BICDL1: variants seen among roughly 807,000 people sequenced by gnomAD.
BICDL1 encodes BICD family-like cargo adapter 1.
Under a neutral mutation model 76.8 loss-of-function variants are expected in BICDL1, and 20 were observed. The observed-to-expected ratio is 0.26, with a 90% confidence interval of 0.18 to 0.38. BICDL1 has a LOEUF of 0.38. Ranked by LOEUF, BICDL1 falls within the 10% of genes least tolerant of loss-of-function variation. BICDL1 has a pLI of 1.00. For missense variants in BICDL1, 700 were observed against 798.6 expected (o/e 0.88, Z 1.49); for synonymous variants, 383 against 337.1 (o/e 1.14, Z -1.49).
chr12:120,090,404 A>G (rs1458409931), intron 9 of BICDL1, among the ~76,000 whole-genome samples: 2 of 152,192 alleles, frequency 1.3e-5, no homozygotes, highest in Non-Finnish European at 2.9e-5. Flanking sequence ...AGCTCAGTAT[A>G]ATTGCATGAA....
chr12:120,077,799 C>G (rs949357240), intron 7 of BICDL1, among the ~76,000 whole-genome samples: 1 of 151,458 alleles, frequency 6.6e-6, no homozygotes, highest in African/African-American at 2.4e-5. Flanking sequence ...TCCCCCAGCC[C>G]GCCCACCCTC....
At position 120,093,235 on chromosome 12, in the gene BICDL1, C is replaced by T; in HGVS notation, c.*74C>T. 1 of 1,503,522 alleles carries T rather than the reference C, an allele frequency of 6.7e-7. No individual in the cohort carries two copies. The allele number at this position is 1,503,522 out of a possible 1,614,324, so 93.1% of individuals were successfully genotyped here. A position where few individuals can be genotyped will look rare whatever the true frequency, so the allele number is the denominator to read the frequency against. On this transcript the variant is annotated 3_prime_UTR_variant, in exon 10 of 10. Transcript: ENST00000548673. ...AAAGGCGGTGCAGGCAAGGCCTCCC[C>T]TGCAGCTTGCACCTCAGCAGCTGCC... is the stretch of plus-strand genomic sequence containing the variant.
intron 2 of BICDL1, among the ~76,000 whole-genome samples, chr12:120,034,578 A>T (rs980773156): frequency 8.5e-5 from 13 of 152,188 alleles, no homozygotes; most frequent in African/African-American, 3.1e-4. Context: ...CTTTCGAGGG[A>T]TGCAGGGGTC....
intron 2 of BICDL1, among the ~76,000 whole-genome samples, chr12:120,037,649 A>C (rs912987828): frequency 2.0e-5 from 3 of 152,198 alleles, no homozygotes; most frequent in Non-Finnish European, 4.4e-5. Context: ...GATTTTTATT[A>C]TGTATTTAAT....
chr12:120,016,008 T>C (rs1027123840), intron 2 of BICDL1, among the ~76,000 whole-genome samples: 5 of 152,170 alleles, frequency 3.3e-5, no homozygotes, highest in Non-Finnish European at 5.9e-5. Context: ...TTTTAGAACA[T>C]TTCTGCTACC....
intron 2 of BICDL1, among the ~76,000 whole-genome samples, chr12:120,008,996 C>A (rs1170670445): frequency 2.6e-5 from 3 of 117,592 alleles, no homozygotes; most frequent in African/African-American, 9.7e-5. Context: ...TGAGCCTGTT[C>A]TTTTCTTTTT....
At chr12:120,046,823 T>C (rs1416426305) in intron 2 of BICDL1, among the ~76,000 whole-genome samples, 1 of 152,212 alleles carries the variant, frequency 6.6e-6, no homozygotes, top group East Asian at 1.9e-4. Flanking sequence ...ATTAGGAGTA[T>C]CTGGGGCCTG....
chr12:120,048,385 G>A (rs1185060881), intron 2 of BICDL1, among the ~76,000 whole-genome samples: 1 of 151,972 alleles, frequency 6.6e-6, no homozygotes, highest in East Asian at 1.9e-4. Context: ...TTCTCCTTTA[G>A]CCTTTCACTG....
intron 7 of BICDL1, among the ~76,000 whole-genome samples, chr12:120,076,655 C>A (rs1240795059): frequency 2.0e-5 from 3 of 152,174 alleles, no homozygotes; most frequent in African/African-American, 7.2e-5. Flanking sequence ...GAAGGTTGTA[C>A]TCATGTCCCA....
intron 2 of BICDL1, chr12:120,057,026 G>A (rs1594177589): frequency 2.0e-6 from 1 of 510,796 alleles, no homozygotes. Context: ...GGTGGGAATG[G>A]TAACAGCAAT....
chr12:120,068,617 A>T (rs1594193855), intron 4 of BICDL1, among the ~76,000 whole-genome samples: 1 of 152,224 alleles, frequency 6.6e-6, no homozygotes, highest in Admixed American at 6.5e-5. Flanking sequence ...GGAGTTCGAG[A>T]CCAGCCTGGC....
At chr12:120,046,759 G>T (rs1316409039) in intron 2 of BICDL1, among the ~76,000 whole-genome samples, 1 of 152,110 alleles carries the variant, frequency 6.6e-6, no homozygotes, top group African/African-American at 2.4e-5. Context: ...GTGTCATTTT[G>T]GTTAAGAAAA....
intron 2 of BICDL1, among the ~76,000 whole-genome samples, chr12:120,017,666 A>G (rs1304903284): frequency 6.6e-6 from 1 of 152,108 alleles, no homozygotes; most frequent in Non-Finnish European, 1.5e-5. Flanking sequence ...CAGGAGTTCA[A>G]GGTTGCAGTA....
At chr12:120,064,195 C>T (rs1013863676) in intron 3 of BICDL1, among the ~76,000 whole-genome samples, 4 of 152,148 alleles carry the variant, frequency 2.6e-5, no homozygotes, top group African/African-American at 9.7e-5. Flanking sequence ...GGGAGCTCTT[C>T]CCTTAACTCA....
chr12:120,076,873 G>T (rs1873590460), intron 7 of BICDL1, among the ~76,000 whole-genome samples: 1 of 152,250 alleles, frequency 6.6e-6, no homozygotes, highest in South Asian at 2.1e-4. Flanking sequence ...TGCATGCAAG[G>T]TTGGTTCAAC....
chr12:120,044,018 T>C (rs909710266), intron 2 of BICDL1, among the ~76,000 whole-genome samples: 2 of 152,246 alleles, frequency 1.3e-5, no homozygotes, highest in African/African-American at 4.8e-5. Flanking sequence ...ATGGAAGTTA[T>C]GTCTGAACTG....
chr12:120,064,748 G>T lies in BICDL1; in HGVS notation c.778G>T (p.Asp260Tyr). The stretch of plus-strand genomic sequence containing the variant: ...ACCCTTTCAGATCAAGATGCTGTCA[G>T]ATCGGAAACGGGAGCTGGAGCATCG... ...SLQAEIKMLS[D>Y]RKRELEHRLS... The change falls in exon 4 of 10, where the codon GAT (aspartate) becomes TAT (tyrosine). Residue 260 changes from aspartate (D) to tyrosine (Y), a missense_variant. Asp to Tyr is a radical substitution (Grantham distance 160). Coordinates refer to ENST00000548673, the MANE Select transcript of BICDL1 (RefSeq NM_001367886.1). The T allele has an allele frequency of 1.9e-6, 3 of 1,611,656 alleles. No individual in the cohort carries two copies. Among genetic ancestry groups the T allele is most frequent in the Non-Finnish European group, 2.5e-6 (3 of 1,178,856 alleles).
At chr12:120,011,017 C>A (rs180819728) in intron 2 of BICDL1, among the ~76,000 whole-genome samples, 1 of 152,280 alleles carries the variant, frequency 6.6e-6, no homozygotes, top group East Asian at 1.9e-4. Context: ...GTTGTTGTGA[C>A]GGATCAGTCA....
At chr12:120,032,679 C>T (rs1276405792) in intron 2 of BICDL1, among the ~76,000 whole-genome samples, 5 of 151,806 alleles carry the variant, frequency 3.3e-5, no homozygotes, top group African/African-American at 1.2e-4. Context: ...CCAGAGATTG[C>T]TACTGAAAAC....
Sources: gnomAD v4.1 joint callset for allele counts (sites outside exome capture counted in the v4.1 genomes callset) on GRCh38, gnomAD v4.1.1 for gene constraint, MANE v1.5 for transcripts, NCBI Gene and HGNC (gene_info 2026-07-23, HGNC 2026-07-21) for gene names.